The following MYO3B variants were observed in gnomAD, a reference collection of about 807,000 sequenced individuals.
MYO3B encodes myosin-IIIb.
MYO3B carries 156 observed loss-of-function variants against 174.6 expected under a neutral mutation model. The observed-to-expected ratio is 0.89, with a 90% CI of 0.78 to 1.02. MYO3B has a LOEUF of 1.02. Ranked by LOEUF, MYO3B falls within the 50% of genes least tolerant of loss-of-function variation. MYO3B has a pLI of 0.00. For missense variants in MYO3B, 1,632 were observed against 1,639.4 expected, an observed-to-expected ratio of 1.00 and a Z score of 0.08; for synonymous variants, 563 against 569.1, an observed-to-expected ratio of 0.99 and a Z score of 0.15.
At chr2:170,348,928 G>A (rs2094039147) in intron 8 of MYO3B, among the ~76,000 whole-genome samples, 1 of 152,164 alleles carries the variant, frequency 6.6e-6, no homozygotes, top group South Asian at 2.1e-4. Context: ...TGATGATTCA[G>A]ATCTCTGCTC....
chr2:170,335,563 C>G, intron 8 of MYO3B, 113 bp downstream of exon 8: 1 of 773,648 alleles, frequency 1.3e-6, no homozygotes, highest in East Asian at 2.6e-5. Flanking sequence ...CCTGTTAGCA[C>G]GTTATGACTC....
chr2:170,266,741 C>G (rs2093386796), intron 7 of MYO3B, among the ~76,000 whole-genome samples: 1 of 152,150 alleles, frequency 6.6e-6, no homozygotes. Flanking sequence ...TCAATAAAAG[C>G]TGTAAACAGC....
rs75578456 is a variant in MYO3B, at chr2:170,433,327, T to C, written c.2651-10640T>C. 8.4e-3 allele frequency among the ~76,000 whole-genome samples: 1,284 copies of C among 152,320 alleles called. 29 individuals carry two copies. Among genetic ancestry groups the C allele is most frequent in the African/African-American group, 0.029 (1,202 of 41,564 alleles). ...TACTTAGGAATAAAAATAAGGATTATAATCTGGAATGGTATAAAATGGCAA... is the reference window on the plus strand; with the variant it reads ...TACTTAGGAATAAAAATAAGGATTACAATCTGGAATGGTATAAAATGGCAA... On this transcript the variant is annotated intron_variant, in intron 22 of 34. Transcript: ENST00000408978.
chr2:170,328,745 GT>G (rs537363942), intron 7 of MYO3B, among the ~76,000 whole-genome samples: 78 of 152,034 alleles, frequency 5.1e-4, no homozygotes, highest in African/African-American at 1.8e-3. Flanking sequence ...TGCCATTTAG[GT>G]ATGAAAGTGA....
chr2:170,431,545 A>T (rs147978064), intron 22 of MYO3B, among the ~76,000 whole-genome samples: 54 of 152,378 alleles, frequency 3.5e-4, no homozygotes, highest in African/African-American at 9.4e-4. Flanking sequence ...TAAAGAAAAA[A>T]GTCAGTGAAA....
chr2:170,354,761 T>C (rs2094106871), intron 8 of MYO3B, among the ~76,000 whole-genome samples: 1 of 152,140 alleles, frequency 6.6e-6, no homozygotes, highest in Non-Finnish European at 1.5e-5. Flanking sequence ...AGGATTAGGG[T>C]CTCTGATGAG....
chr2:170,524,008 G>C (rs1197709859), intron 30 of MYO3B, among the ~76,000 whole-genome samples: 1 of 152,170 alleles, frequency 6.6e-6, no homozygotes, highest in Non-Finnish European at 1.5e-5. Context: ...GGAGCAGATA[G>C]GTACCAGGAA....
rs186648883 is a variant in MYO3B at position 170,222,616 on chromosome 2, C to G, written c.603+5221C>G. Among the ~76,000 whole-genome samples the G allele has an allele frequency of 2.6e-5, 4 of 152,280 alleles. No homozygotes were observed. The East Asian group carries it at 7.7e-4, about 29-fold the overall frequency. On this transcript the variant is annotated intron_variant, in intron 6 of 34. Transcript: ENST00000408978. ...GTGTGTCTTCACATGTCCATGACTT[C>G]TTATAAGAACACCAGTCCCGTCGGA...
intron 22 of MYO3B, among the ~76,000 whole-genome samples, chr2:170,437,228 G>T (rs1447144615): frequency 2.0e-5 from 3 of 148,246 alleles, no homozygotes; most frequent in African/African-American, 7.9e-5. Context: ...ATTCACTGGG[G>T]GTGGCCAGGT....
At chr2:170,272,742 A>T (rs1220049138) in intron 7 of MYO3B, among the ~76,000 whole-genome samples, 1 of 152,162 alleles carries the variant, frequency 6.6e-6, no homozygotes, top group Non-Finnish European at 1.5e-5. Context: ...TGTAAGAGTG[A>T]GTTCTTCATA....
At chr2:170,412,075 G>A (rs2094549215) in intron 22 of MYO3B, 2 of 152,228 alleles carry the variant, frequency 1.3e-5, no homozygotes, top group African/African-American at 4.8e-5. Context: ...CAGCAACACT[G>A]CTTTCTAACC....
chr2:170,366,045 T>C lies in MYO3B; in HGVS notation c.816-3177T>C, dbSNP rs2094195571. Reference sequence around the variant, plus strand: ...TTAGGAGGAGGGAGTGAAGTGAAAATGCTATATAAACTGCATGCTTTTTGC... The same window carrying C: ...TTAGGAGGAGGGAGTGAAGTGAAAACGCTATATAAACTGCATGCTTTTTGC... On this transcript the variant is annotated intron_variant, in intron 8 of 34. Transcript: ENST00000408978. Among the ~76,000 whole-genome samples the C allele has an allele frequency of 3.3e-5, 5 of 152,008 alleles. No individual in the cohort carries two copies. The South Asian group carries it at 1.0e-3, about 32-fold the overall frequency.
intron 23 of MYO3B, among the ~76,000 whole-genome samples, chr2:170,459,803 C>T (rs1046479873): frequency 1.6e-4 from 24 of 152,064 alleles, no homozygotes; most frequent in South Asian, 6.2e-4. Context: ...TGAGGCCTGG[C>T]GAGAATTTGA....
chr2:170,345,491 T>A (rs933470772), intron 8 of MYO3B, among the ~76,000 whole-genome samples: 29 of 152,172 alleles, frequency 1.9e-4, no homozygotes, highest in African/African-American at 7.0e-4. Flanking sequence ...ATAATTTATT[T>A]TTAGTATGAA....
At chr2:170,312,323 T>C (rs919025468) in intron 7 of MYO3B, among the ~76,000 whole-genome samples, 22 of 152,218 alleles carry the variant, frequency 1.4e-4, no homozygotes, top group Non-Finnish European at 2.6e-4. Flanking sequence ...CTCTGACTCA[T>C]CCAGACAGCG....
chr2:170,450,415 G>A (rs931091133), intron 23 of MYO3B, among the ~76,000 whole-genome samples: 16 of 152,230 alleles, frequency 1.1e-4, no homozygotes, highest in South Asian at 6.2e-4. Flanking sequence ...CCAGGTCACC[G>A]TAAGTCATTC....
At chr2:170,608,826 A>T (rs555032658) in intron 32 of MYO3B, among the ~76,000 whole-genome samples, 1 of 152,260 alleles carries the variant, frequency 6.6e-6, no homozygotes, top group African/African-American at 2.4e-5. Context: ...TATAAAGTTA[A>T]TTACCTAAGG....
At chr2:170,351,732 A>C (rs10930422) in intron 8 of MYO3B, among the ~76,000 whole-genome samples, 76,914 of 152,012 alleles carry the variant, frequency 0.51, 19,858 homozygotes, top group East Asian at 0.77. Context: ...CCTAAAGCTG[A>C]GGAAGACAAC....
chr2:170,322,359 GAA>G (rs1294525106), intron 7 of MYO3B, among the ~76,000 whole-genome samples: 1 of 152,208 alleles, frequency 6.6e-6, no homozygotes. Flanking sequence ...TACAATGTCA[GAA>G]AAATAAATGT....
Sources: allele counts gnomAD v4.1 joint callset (sites outside exome capture counted in the v4.1 genomes callset), GRCh38; gene constraint gnomAD v4.1.1; transcripts MANE v1.5; gene names NCBI Gene and HGNC (gene_info 2026-07-23, HGNC 2026-07-21).